ITPR2: variants seen among roughly 807,000 people sequenced by gnomAD.
ITPR2 encodes inositol 1,4,5-trisphosphate-gated calcium channel ITPR2.
Under a neutral mutation model 317.1 loss-of-function variants are expected in ITPR2, and 207 were observed. The observed-to-expected ratio is 0.65, with a 90% CI of 0.58 to 0.73. The LOEUF (loss-of-function observed/expected upper bound fraction) is 0.73. ITPR2 is among the 30% of genes least tolerant of loss of function. The pLI is 0.00. For synonymous variants in ITPR2, 1,156 were observed against 1,149.1 expected, an observed-to-expected ratio of 1.01 and a Z score of -0.12; for missense variants, 2,613 against 3,284.0, an observed-to-expected ratio of 0.80 and a Z score of 4.99.
At chr12:26,611,495 G>A (rs1946265524) in intron 26 of ITPR2, among the ~76,000 whole-genome samples, 1 of 152,094 alleles carries the variant, frequency 6.6e-6, no homozygotes, top group Non-Finnish European at 1.5e-5. Flanking sequence ...ACATCAGTGA[G>A]AGTCTAAGTC....
Position 26,576,755 on chromosome 12 carries a change from C to A in ITPR2, c.4630+1958G>T, listed in dbSNP as rs190090891. Among the ~76,000 whole-genome samples, 210 of 152,256 alleles carry A rather than the reference C, an allele frequency of 1.4e-3. No individual in the cohort carries two copies. In the Middle Eastern group the frequency reaches 0.044, roughly 32 times the overall value. Reference sequence around the variant, plus strand: ...AGAGGCCAAGCCAGGTGAAGGGGATCCCCTGCAGAGCAGCAGCCTGACCTA... The same window carrying A: ...AGAGGCCAAGCCAGGTGAAGGGGATACCCTGCAGAGCAGCAGCCTGACCTA... On this transcript the variant is annotated intron_variant, in intron 34 of 56. Transcript: ENST00000381340.
At chr12:26,612,844 C>T (rs957071433) in intron 26 of ITPR2, among the ~76,000 whole-genome samples, 9 of 152,222 alleles carry the variant, frequency 5.9e-5, no homozygotes, top group African/African-American at 2.2e-4. Context: ...ATTGCAAATA[C>T]AAATCGCTTA....
intron 21 of ITPR2, among the ~76,000 whole-genome samples, chr12:26,647,268 A>G (rs4142696): frequency 0.22 from 34,058 of 152,186 alleles, 4,487 homozygotes; most frequent in East Asian, 0.55. Flanking sequence ...TATTCTAACC[A>G]CATGCATATT....
chr12:26,566,446 AAG>A (rs1294332288), intron 34 of ITPR2, among the ~76,000 whole-genome samples: 14 of 122,368 alleles, frequency 1.1e-4, no homozygotes, highest in Admixed American at 1.6e-4. Context: ...AAGGAGAGGA[AAG>A]AGGGGAGGAG....
chr12:26,629,000 T>C (rs1946686060), intron 22 of ITPR2, among the ~76,000 whole-genome samples: 1 of 152,214 alleles, frequency 6.6e-6, no homozygotes, highest in Non-Finnish European at 1.5e-5. Context: ...TAACCTTTTG[T>C]TTCAGCATAA....
chr12:26,632,630 C>G (rs1013191014), intron 21 of ITPR2, among the ~76,000 whole-genome samples: 2 of 152,156 alleles, frequency 1.3e-5, no homozygotes, highest in African/African-American at 4.8e-5. Context: ...TATGCATTAG[C>G]CAATACACTT....
At chr12:26,693,438 T>A (rs1037234597) in intron 10 of ITPR2, among the ~76,000 whole-genome samples, 1 of 152,222 alleles carries the variant, frequency 6.6e-6, no homozygotes, top group African/African-American at 2.4e-5. Flanking sequence ...CCTCGGTATC[T>A]GCAGAGGATT....
Position 26,599,356 on chromosome 12 carries a change from A to AGGAACAT in ITPR2, c.3802-18_3802-12dup. On this transcript the variant is annotated splice_polypyrimidine_tract_variant and intron_variant, in intron 29 of 56. Transcript: ENST00000381340. ...TTCTGCTTCAAGGAGCTAAACACAG[A>AGGAACAT]GGAACATGCCCTTGTAATTCTGACA... 6.2e-7 allele frequency: 1 copy of AGGAACAT among 1,612,408 alleles called. No homozygotes were observed. Among genetic ancestry groups the AGGAACAT allele is most frequent in the South Asian group, 1.1e-5 (1 of 91,056 alleles).
intron 50 of ITPR2, among the ~76,000 whole-genome samples, chr12:26,417,452 G>T (rs1051797265): frequency 1.3e-5 from 2 of 152,172 alleles, no homozygotes; most frequent in African/African-American, 4.8e-5. Context: ...GACCTGGTGG[G>T]AGGTGATTGG....
intron 13 of ITPR2, among the ~76,000 whole-genome samples, chr12:26,668,137 G>A (rs921880356): frequency 2.0e-5 from 3 of 152,188 alleles, no homozygotes; most frequent in Non-Finnish European, 4.4e-5. Flanking sequence ...ACTAGCTCAC[G>A]CATTTGCTTT....
At chr12:26,599,754 A>T (rs1343456219) in intron 29 of ITPR2, among the ~76,000 whole-genome samples, 1 of 152,078 alleles carries the variant, frequency 6.6e-6, no homozygotes. Context: ...CTAACATTTA[A>T]CTATATACGT....
intron 22 of ITPR2, among the ~76,000 whole-genome samples, chr12:26,631,125 T>C (rs192281756): frequency 6.6e-6 from 1 of 152,342 alleles, no homozygotes; most frequent in Admixed American, 6.5e-5. Flanking sequence ...TAATAGGTAC[T>C]TGAAAACTTC....
chr12:26,656,459 A>T lies in ITPR2; in HGVS notation c.2282T>A (p.Ile761Asn). 1 of 1,614,236 alleles carries T rather than the reference A, an allele frequency of 6.2e-7. No homozygotes were observed. Among genetic ancestry groups the T allele is most frequent in the Non-Finnish European group, 8.5e-7 (1 of 1,180,032 alleles). ...QISTQLSVDLILRCVSDESLP... is the reference protein window; with the variant it reads ...QISTQLSVDLNLRCVSDESLP... ...GCTCTCATCCGACACACACCGCAGG[A>T]TCAGGTCTACAGACAGCTGTGTAGA... The change falls in exon 19 of 57, where the codon ATC becomes AAC. Residue 761 changes from isoleucine (I) to asparagine (N), a missense_variant. Ile to Asn is a moderately radical substitution (Grantham distance 149). Transcript: ENST00000381340.
chr12:26,372,350 T>A (rs1228445933), intron 55 of ITPR2, among the ~76,000 whole-genome samples: 1 of 152,268 alleles, frequency 6.6e-6, no homozygotes, highest in African/African-American at 2.4e-5. Context: ...GAAATGCTAT[T>A]CTAACACTCA....
At chr12:26,809,611 T>C (rs903304630) in intron 1 of ITPR2, among the ~76,000 whole-genome samples, 1 of 152,240 alleles carries the variant, frequency 6.6e-6, no homozygotes, top group African/African-American at 2.4e-5. Flanking sequence ...TTTTATAATG[T>C]CAGGTTTTAA....
intron 36 of ITPR2, among the ~76,000 whole-genome samples, chr12:26,554,152 T>A (rs1049215809): frequency 6.6e-5 from 10 of 152,190 alleles, no homozygotes; most frequent in Non-Finnish European, 1.2e-4. Context: ...TCATAACACT[T>A]TCTCATAGAC....
In ITPR2 at chr12:26,656,462, A is replaced by G. The variant is rs774988620; in HGVS notation, c.2279T>C (p.Leu760Pro). 1.8e-5 allele frequency: 29 copies of G among 1,614,250 alleles called. No homozygotes were observed. The highest frequency in any genetic ancestry group is 2.5e-5 in the Non-Finnish European group (29 of 1,180,034). The stretch of plus-strand genomic sequence containing the variant: ...CTCATCCGACACACACCGCAGGATC[A>G]GGTCTACAGACAGCTGTGTAGAAAT... ...NQISTQLSVD[L>P]ILRCVSDESL... Residue 760 changes from leucine to proline, a missense_variant, in exon 19 of 57, where the codon CTG becomes CCG. By Grantham distance (98) the Leu-to-Pro change is moderately conservative. Around this residue, in one of 9 missense-constraint regions of ITPR2, gnomAD observed 817 missense variants for 897.6 expected, o/e 0.91. Coordinates refer to ENST00000381340, the MANE Select transcript of ITPR2 (RefSeq NM_002223.4).
intron 37 of ITPR2, among the ~76,000 whole-genome samples, chr12:26,515,220 T>C (rs1943454610): frequency 6.6e-6 from 1 of 152,224 alleles, no homozygotes; most frequent in African/African-American, 2.4e-5. Flanking sequence ...AGTAGTTTTC[T>C]TGGAATGCTC....
intron 55 of ITPR2, among the ~76,000 whole-genome samples, chr12:26,373,224 A>C (rs1188352230): frequency 6.6e-6 from 1 of 152,226 alleles, no homozygotes; most frequent in Non-Finnish European, 1.5e-5. Flanking sequence ...AAATATTTTA[A>C]ATATTTTAGA....
Sources: allele counts gnomAD v4.1 joint callset (sites outside exome capture counted in the v4.1 genomes callset), GRCh38; gene constraint gnomAD v4.1.1; regional missense constraint gnomAD v4.1.1; transcripts MANE v1.5; gene names NCBI Gene and HGNC (gene_info 2026-07-23, HGNC 2026-07-21).